The following CLK2 variants were observed in gnomAD, a reference collection of about 807,000 sequenced individuals.
CLK2 encodes dual specificity protein kinase CLK2.
In CLK2, 12 loss-of-function variants were observed where a neutral mutation model predicts 73.5. The ratio of observed to expected loss-of-function variants is 0.16; its 90% confidence interval spans 0.10 to 0.26. The LOEUF is 0.26. Among genes scored for constraint, CLK2 ranks in the 10% least tolerant of loss-of-function variants. The pLI, the probability that CLK2 is intolerant of heterozygous loss-of-function variation, is 1.00. For synonymous variants in CLK2, 232 were observed against 237.9 expected (o/e 0.98, Z 0.23); for missense variants, 509 against 688.4 (o/e 0.74, Z 2.92).
At chr1:155,263,423 A>C (rs1434409804) in intron 12 of CLK2, 23 bp from the exon 13 acceptor site, 26 of 1,612,930 alleles carry the variant, frequency 1.6e-5, no homozygotes, top group Non-Finnish European at 2.0e-5. Context: ...GGCAGGAAAA[A>C]GGTGAGGCAG....
At chr1:155,263,708 C>T (rs561013429) in intron 12 of CLK2, 3 of 985,376 alleles carry the variant, frequency 3.0e-6, no homozygotes, top group East Asian at 2.3e-4. Context: ...TTCTGTCTGA[C>T]CTAAAGAATC....
Position 155,264,652 on chromosome 1 carries a change from G to A in CLK2, c.1056C>T (p.Val352=). Residue 352 remains valine (V), a synonymous_variant, in exon 9 of 13, where the codon GTC becomes GTT. Coordinates refer to ENST00000368361, the MANE Select transcript of CLK2 (RefSeq NM_001294338.2). ...AGCCTTGCCCTCCCTTACCAAGGAT[G>A]ACTTCTGGTGCTCGGTAATGGCGAG... The part of the protein sequence containing the change: ...VSTRHYRAPE[V]ILELGWSQPC... 1 of 1,614,240 alleles carries A rather than the reference G, an allele frequency of 6.2e-7. No homozygotes were observed.
chr1:155,265,605 A>ATAAATAAATAAATAAG (rs1553224450), intron 8 of CLK2, among the ~76,000 whole-genome samples: 3 of 151,916 alleles, frequency 2.0e-5, no homozygotes, highest in African/African-American at 7.3e-5. Flanking sequence ...AAATAAATAA[A>ATAAATAAATAAATAAG]GTCCAAACCA....
chr1:155,264,840 C>T (rs1327254995), intron 8 of CLK2, 66 bp from the exon 9 acceptor site: 1 of 1,585,674 alleles, frequency 6.3e-7, no homozygotes, highest in Non-Finnish European at 8.6e-7. Flanking sequence ...GTATTCTCTA[C>T]ATTGCTTCTG....
rs925012045 is a variant in CLK2 at position 155,263,042 on chromosome 1, T to G, written c.*176A>C. ...AATAGTATTATGTACAAGGCAGGGG[T>G]TGAAGTGATAGGTACAAGTTCTTTC... On this transcript the variant is annotated 3_prime_UTR_variant, in exon 13 of 13. Coordinates refer to ENST00000368361, the MANE Select transcript of CLK2 (RefSeq NM_001294338.2). 54 of 627,888 alleles carry G rather than the reference T, an allele frequency of 8.6e-5. No individual in the cohort carries two copies. Among genetic ancestry groups the G allele is most frequent in the Non-Finnish European group, 1.0e-4 (38 of 372,498 alleles). 38.9% of individuals were successfully genotyped at this position (627,888 alleles called of 1,614,324 possible).
chr1:155,269,018 A>G, intron 3 of CLK2: 1 of 608,652 alleles, frequency 1.6e-6, no homozygotes, highest in Non-Finnish European at 2.9e-6. Context: ...AAACAGGAAC[A>G]GGGAGAGGCA....
rs942304354 is a variant in CLK2, at chr1:155,263,443, C to A, written c.1318-43G>T. On this transcript the variant is annotated intron_variant, in intron 12 of 12. Coordinates refer to ENST00000368361, the MANE Select transcript of CLK2 (RefSeq NM_001294338.2). ...GAAAAAGGTGAGGCAGGATGCCTTACAAACCCTGCCTTCTTCAAGACCCTA... is the reference window on the plus strand; with the variant it reads ...GAAAAAGGTGAGGCAGGATGCCTTAAAAACCCTGCCTTCTTCAAGACCCTA... The A allele has an allele frequency of 7.2e-5, 116 of 1,607,714 alleles. 1 individual carries two copies. Among genetic ancestry groups the A allele is most frequent in the Non-Finnish European group, 9.3e-5 (109 of 1,176,638 alleles).
Position 155,268,884 on chromosome 1 carries a change from C to T in CLK2, c.400-89G>A, listed in dbSNP as rs1673356284. The T allele has an allele frequency of 1.3e-6, 1 of 762,912 alleles. No homozygotes were observed. The highest frequency in any genetic ancestry group is 2.3e-6 in the Non-Finnish European group (1 of 441,564). The allele number at this position is 762,912 out of a possible 1,614,324, so 47.3% of individuals were successfully genotyped here. ...GGTGGGTGGTAGAGGGGTCACCGGT[C>T]ACAGGCGCCCAGCCAGGGGGGACAG... is the stretch of plus-strand genomic sequence containing the variant. On this transcript the variant is annotated intron_variant, in intron 3 of 12. Transcript: ENST00000368361. This position sits in a 1 kb window ranked among gnomAD's most constrained non-coding sequence, Gnocchi z 5.6.
At chr1:155,270,370 T>C (rs1343532133) in intron 2 of CLK2, among the ~76,000 whole-genome samples, 1 of 152,106 alleles carries the variant, frequency 6.6e-6, no homozygotes, top group Non-Finnish European at 1.5e-5. Context: ...AAACTCTGTC[T>C]CAAAAATAAA....
chr1:155,271,368 G>C (rs1673497271), intron 1 of CLK2, among the ~76,000 whole-genome samples: 2 of 152,180 alleles, frequency 1.3e-5, no homozygotes, highest in African/African-American at 4.8e-5. Context: ...TGGGATTACA[G>C]GCACGCACCA....
At chr1:155,269,073 C>A (rs917187075) in intron 3 of CLK2, 13 of 588,592 alleles carry the variant, frequency 2.2e-5, no homozygotes, top group Admixed American at 6.0e-5. Flanking sequence ...TCACCCACAA[C>A]CCCATGCTCT....
At chr1:155,265,190 GCTT>G (rs1233399213) in intron 8 of CLK2, among the ~76,000 whole-genome samples, 1 of 152,150 alleles carries the variant, frequency 6.6e-6, no homozygotes, top group African/African-American at 2.4e-5. Flanking sequence ...AGGAGGGAGA[GCTT>G]CTTTAGGTCT....
At position 155,268,023 on chromosome 1, in the gene CLK2, G is replaced by C; in HGVS notation, c.658C>G (p.Pro220Ala). The C allele has an allele frequency of 6.2e-7, 1 of 1,612,424 alleles. No individual in the cohort carries two copies. Among genetic ancestry groups the C allele is most frequent in the Non-Finnish European group, 8.5e-7 (1 of 1,178,570 alleles). Residue 220 changes from proline to alanine, a missense_variant, in exon 6 of 13, where the codon CCT becomes GCT. Coordinates refer to ENST00000368361, the MANE Select transcript of CLK2 (RefSeq NM_001294338.2). The surrounding 1 kb of genome is among the most constrained non-coding windows in gnomAD (Gnocchi z 5.6). ...TTGCTTGCTTACTTCTTGTTGTCAG[G>C]GTCTTTCTCATTGATTTTCTCTAGC... The part of the protein sequence containing the change: ...NVLEKINEKD[P>A]DNKNLCVQMF...
chr1:155,266,649 C>T, intron 7 of CLK2, 80 bp downstream of exon 7: 1 of 1,460,832 alleles, frequency 6.8e-7, no homozygotes, highest in Non-Finnish European at 9.3e-7. Flanking sequence ...TGTTTAGGGG[C>T]TTCACCAGTG....
chr1:155,264,863 G>T, intron 8 of CLK2, 89 bp from the exon 9 acceptor site: 1 of 1,509,082 alleles, frequency 6.6e-7, no homozygotes. Flanking sequence ...CCTTAAAAAA[G>T]GTACTGTGAT....
In CLK2 at chr1:155,269,549, C is replaced by T. The variant is rs759604508; in HGVS notation, c.338G>A (p.Ser113Asn). Reference protein sequence around the residue: ...RENSSYRSQRSSRRKHRRRRR... With the variant: ...RENSSYRSQRNSRRKHRRRRR... ...CCGCCGTCTGTGCTTCCTCCGGCTG[C>T]TGCGCTGGCTGCGGTAACTGCTGTT... is the stretch of plus-strand genomic sequence containing the variant. Residue 113 changes from serine to asparagine, a missense_variant, in exon 3 of 13, where the codon AGC (serine) becomes AAC (asparagine). Coordinates refer to ENST00000368361, the MANE Select transcript of CLK2 (RefSeq NM_001294338.2). 1 of 1,614,156 alleles carries T rather than the reference C, an allele frequency of 6.2e-7. No individual in the cohort carries two copies. Among genetic ancestry groups the T allele is most frequent in the Admixed American group, 1.7e-5 (1 of 60,038 alleles).
chr1:155,266,036 A>G, intron 7 of CLK2, 82 bp from the exon 8 acceptor site: 1 of 904,076 alleles, frequency 1.1e-6, no homozygotes, highest in Non-Finnish European at 1.9e-6. Context: ...CTGGTTACCT[A>G]GGGCAAAGCC....
intron 3 of CLK2, chr1:155,269,231 A>G: frequency 1.7e-6 from 1 of 595,948 alleles, no homozygotes; most frequent in East Asian, 2.8e-5. Context: ...TGGGGCGGAG[A>G]AGCTGCTCCC....
In CLK2 at chr1:155,266,841, G is replaced by A; in HGVS notation, c.726C>T (p.Ser242=). 6.2e-7 allele frequency: 1 copy of A among 1,613,514 alleles called. No homozygotes were observed. The highest frequency in any genetic ancestry group is 8.5e-7 in the Non-Finnish European group (1 of 1,179,734). ...AGGTGCTAAGGCCCAGAAGCTCAAAGGAGATACACATGTGGCCATGGTAGT... is the reference window on the plus strand; with the variant it reads ...AGGTGCTAAGGCCCAGAAGCTCAAAAGAGATACACATGTGGCCATGGTAGT... ...WFDYHGHMCI[S]FELLGLSTFD... The change falls in exon 7 of 13, where the codon TCC becomes TCT. Residue 242 remains serine, a synonymous_variant. Transcript: ENST00000368361.
Sources: allele counts gnomAD v4.1 joint callset (sites outside exome capture counted in the v4.1 genomes callset), GRCh38; gene constraint gnomAD v4.1.1; non-coding constraint Gnocchi (gnomAD v3.1); transcripts MANE v1.5; gene names NCBI Gene and HGNC (gene_info 2026-07-23, HGNC 2026-07-21).